Variants in REV1 observed in about 807,000 individuals in gnomAD.
The protein encoded by REV1 is translesion synthesis protein REV1.
In REV1, 42 loss-of-function variants were observed where a neutral mutation model predicts 137.4. That is an observed-to-expected ratio of 0.31 (90% CI 0.24 to 0.40). REV1 has a LOEUF of 0.40. Ranked by LOEUF, REV1 falls within the 10% of genes least tolerant of loss-of-function variation. The pLI, the probability that REV1 is intolerant of heterozygous loss-of-function variation, is 1.00. For synonymous variants in REV1, 524 were observed against 519.2 expected, an observed-to-expected ratio of 1.01 and a Z score of -0.12; for missense variants, 1,282 against 1,490.1, an observed-to-expected ratio of 0.86 and a Z score of 2.30.
intron 3 of REV1, among the ~76,000 whole-genome samples, chr2:99,461,200 G>A (rs996021404): frequency 6.6e-6 from 1 of 152,176 alleles, no homozygotes; most frequent in African/African-American, 2.4e-5. Flanking sequence ...CATCAATGAT[G>A]CCTAATAAAA....
At chr2:99,476,070 T>C (rs189685897) in intron 1 of REV1, among the ~76,000 whole-genome samples, 1 of 152,350 alleles carries the variant, frequency 6.6e-6, no homozygotes, top group Admixed American at 6.5e-5. Context: ...ATACATATTA[T>C]GCAACTTTAC....
At chr2:99,489,316 TGGGAGCGGCGGCTCGACCGGGTC>T (rs1326467440) in intron 1 of REV1, among the ~76,000 whole-genome samples, 1 of 151,884 alleles carries the variant, frequency 6.6e-6, no homozygotes, top group Non-Finnish European at 1.5e-5. Flanking sequence ...GGAGTGCGGG[TGGGAGCGGCGGCTCGACCGGGTC>T]GACATTCTAC....
At chr2:99,427,911 A>C (rs1397144135) in intron 9 of REV1, among the ~76,000 whole-genome samples, 4 of 152,140 alleles carry the variant, frequency 2.6e-5, no homozygotes, top group Non-Finnish European at 5.9e-5. Flanking sequence ...CAAGGCATGA[A>C]GCTTGACCAA....
At chr2:99,413,060 T>G (rs1575007149) in intron 12 of REV1, 109 bp from the exon 13 acceptor site, 1 of 807,784 alleles carries the variant, frequency 1.2e-6, no homozygotes, top group East Asian at 2.6e-5. Context: ...AAATAATCTT[T>G]AAAGTCTTTA....
chr2:99,412,789 G>C lies in REV1; in HGVS notation c.2114C>G (p.Thr705Ser). Residue 705 changes from threonine to serine, a missense_variant, in exon 13 of 23, where the codon ACT becomes AGT. Thr to Ser is a moderately conservative substitution (Grantham distance 58, BLOSUM62 1). Coordinates refer to ENST00000258428, the MANE Select transcript of REV1 (RefSeq NM_016316.4). Reference sequence around the variant, plus strand: ...TGAAACAGATTTTCTTTCCTTTTCAGTTCGAACTGGTCTATCATCCAAGCC... The same window carrying C: ...TGAAACAGATTTTCTTTCCTTTTCACTTCGAACTGGTCTATCATCCAAGCC... ...CRGLDDRPVRTEKERKSVSAE... is the reference protein window; with the variant it reads ...CRGLDDRPVRSEKERKSVSAE... The C allele has an allele frequency of 1.2e-6, 2 of 1,614,138 alleles. No homozygotes were observed. Among genetic ancestry groups the C allele is most frequent in the Admixed American group, 3.3e-5 (2 of 60,032 alleles).
At chr2:99,452,984 GATA>G (rs983671064) in intron 3 of REV1, among the ~76,000 whole-genome samples, 18 of 152,192 alleles carry the variant, frequency 1.2e-4, no homozygotes, top group African/African-American at 4.3e-4. Context: ...GTAAACTGGG[GATA>G]ATAATAGTGT....
chr2:99,444,810 A>G (rs1681981381), intron 4 of REV1, among the ~76,000 whole-genome samples: 1 of 152,160 alleles, frequency 6.6e-6, no homozygotes, highest in African/African-American at 2.4e-5. Flanking sequence ...CCTTTTTAAA[A>G]ATCTCTCTGG....
intron 1 of REV1, among the ~76,000 whole-genome samples, chr2:99,489,428 C>G (rs1397914853): frequency 1.3e-5 from 2 of 151,748 alleles, no homozygotes; most frequent in Non-Finnish European, 2.9e-5. Flanking sequence ...GGCGCCGGCG[C>G]AGGAGGAAGG....
Position 99,439,270 on chromosome 2 carries a change from T to G in REV1, c.544A>C (p.Lys182Gln), listed in dbSNP as rs373976399. The change falls in exon 6 of 23, where the codon AAA becomes CAA. Residue 182 changes from lysine to glutamine, a missense_variant. By Grantham distance (53) the Lys-to-Gln change is moderately conservative. This residue lies in a region of REV1 where 432 missense variants were observed against 438.0 expected (regional missense o/e 0.99). Transcript: ENST00000258428. ...TTCCAACTGTTCATGCCATTGACTT[T>G]GACTTCATTTTCCGTTTCAATCTTC... ...VKKIETENEV[K>Q]VNGMNSWNEE... 2.5e-5 allele frequency: 40 copies of G among 1,613,650 alleles called. No homozygotes were observed. The African/African-American group carries it at 4.5e-4, about 18-fold the overall frequency.
chr2:99,489,720 G>A (rs1687503322), intron 1 of REV1, 97 bp downstream of exon 1: 1 of 146,076 alleles, frequency 6.8e-6, no homozygotes, highest in South Asian at 2.2e-4. Context: ...GGCCGACCGC[G>A]CTCTGGCCGC....
chr2:99,474,677 G>A (rs181571317), intron 1 of REV1, among the ~76,000 whole-genome samples: 4 of 152,124 alleles, frequency 2.6e-5, no homozygotes, highest in Non-Finnish European at 5.9e-5. Context: ...TGAGGCAGGC[G>A]AATCACATGA....
chr2:99,409,067 T>C (rs1676734678), intron 14 of REV1, among the ~76,000 whole-genome samples: 2 of 152,112 alleles, frequency 1.3e-5, no homozygotes, highest in African/African-American at 4.8e-5. Flanking sequence ...GGCAAAAGGA[T>C]TGTTCAAGGC....
At position 99,442,321 on chromosome 2, in the gene REV1, T is replaced by C; in HGVS notation, c.499A>G (p.Arg167Gly). 3 of 1,577,268 alleles carry C rather than the reference T, an allele frequency of 1.9e-6. No homozygotes were observed. The highest frequency in any genetic ancestry group is 2.6e-6 in the Non-Finnish European group (3 of 1,157,872). The change falls in exon 5 of 23, where the codon AGG becomes GGG. Residue 167 changes from arginine to glycine, a missense_variant. Transcript: ENST00000258428. Reference sequence around the variant, plus strand: ...TCCCCAACTAGACAAACTTACACCCTGTTGTTGAGCTGTTTGGCTATATTG... The same window carrying C: ...TCCCCAACTAGACAAACTTACACCCCGTTGTTGAGCTGTTTGGCTATATTG... ...PSNIAKQLNN[R>G]VNHIVKKIET...
At chr2:99,443,317 C>T (rs1681747299) in intron 4 of REV1, among the ~76,000 whole-genome samples, 1 of 152,120 alleles carries the variant, frequency 6.6e-6, no homozygotes, top group Non-Finnish European at 1.5e-5. Context: ...AAGGAATCAT[C>T]CCTCAGTTAT....
At chr2:99,479,991 G>A (rs184026276) in intron 1 of REV1, among the ~76,000 whole-genome samples, 4 of 151,998 alleles carry the variant, frequency 2.6e-5, no homozygotes, top group Admixed American at 2.6e-4. Context: ...TGACATGAAG[G>A]CAAAGATTTC....
chr2:99,443,343 T>C (rs1681750207), intron 4 of REV1, among the ~76,000 whole-genome samples: 1 of 152,174 alleles, frequency 6.6e-6, no homozygotes, highest in African/African-American at 2.4e-5. Context: ...AAAAGACTGA[T>C]AAATAACATG....
At chr2:99,424,106 A>C in intron 10 of REV1, 46 bp downstream of exon 10, 1 of 1,592,298 alleles carries the variant, frequency 6.3e-7, no homozygotes, top group Non-Finnish European at 8.5e-7. Context: ...CTATTAGCTA[A>C]AAGAAGGAAA....
At chr2:99,465,011 G>A in intron 1 of REV1, 26 bp from the exon 2 acceptor site, 2 of 1,520,628 alleles carry the variant, frequency 1.3e-6, no homozygotes, top group Non-Finnish European at 9.1e-7. Flanking sequence ...AAAAAAAAAT[G>A]TCAATTTTAT....
chr2:99,402,817 G>A lies in REV1; in HGVS notation c.3385-17C>T. On this transcript the variant is annotated splice_polypyrimidine_tract_variant and intron_variant, in intron 20 of 22. Coordinates refer to ENST00000258428, the MANE Select transcript of REV1 (RefSeq NM_016316.4). Reference sequence around the variant, plus strand: ...GAGTTCTTCCTGTTAAGAAAACAAAGGATAAAATTGCTATATTCACACATT... The same window carrying A: ...GAGTTCTTCCTGTTAAGAAAACAAAAGATAAAATTGCTATATTCACACATT... The A allele has an allele frequency of 6.2e-7, 1 of 1,613,860 alleles. No homozygotes were observed. Among genetic ancestry groups the A allele is most frequent in the Non-Finnish European group, 8.5e-7 (1 of 1,179,878 alleles).
Sources: gnomAD v4.1 joint callset for allele counts (sites outside exome capture counted in the v4.1 genomes callset) on GRCh38, gnomAD v4.1.1 for gene constraint, gnomAD v4.1.1 regional missense constraint, MANE v1.5 for transcripts, NCBI Gene and HGNC (gene_info 2026-07-23, HGNC 2026-07-21) for gene names.